The following UHRF2 variants were observed in gnomAD, a reference collection of about 807,000 sequenced individuals.
The protein encoded by UHRF2 is ubiquitin like with PHD and ring finger domains 2.
UHRF2 carries 23 observed loss-of-function variants against 96.8 expected under a neutral mutation model. That is an observed-to-expected ratio of 0.24 (90% CI 0.17 to 0.34). The LOEUF is 0.34. UHRF2 is among the 10% of genes least tolerant of loss of function. UHRF2 has a pLI of 1.00. For missense variants in UHRF2, 685 were observed against 981.5 expected (o/e 0.70, Z 4.04); for synonymous variants, 385 against 332.6 (o/e 1.16, Z -1.72).
At chr9:6,428,769 G>A (rs1000149281) in intron 2 of UHRF2, among the ~76,000 whole-genome samples, 6 of 151,902 alleles carry the variant, frequency 3.9e-5, no homozygotes, top group Non-Finnish European at 7.4e-5. Flanking sequence ...GGCTGGTCTT[G>A]AACTCCTGGG....
chr9:6,436,303 T>G (rs1820846480), intron 3 of UHRF2, among the ~76,000 whole-genome samples: 2 of 152,190 alleles, frequency 1.3e-5, no homozygotes, highest in South Asian at 4.1e-4. Context: ...CAACACTGCT[T>G]ACTTGACATG....
In UHRF2 at chr9:6,438,739, G is replaced by A. The variant is rs565254033; in HGVS notation, c.644+4566G>A. ...AAAGCTGTTTTTTATAGTAATCTAC[G>A]TATCTAATAGATTACTAGACCAGAT... On this transcript the variant is annotated intron_variant, in intron 3 of 15. Transcript: ENST00000276893. 1.1e-3 allele frequency among the ~76,000 whole-genome samples: 168 copies of A among 152,242 alleles called. 1 individual carries two copies. The highest frequency in any genetic ancestry group is 3.8e-3 in the African/African-American group (159 of 41,540).
chr9:6,504,310 C>G, intron 14 of UHRF2: 1 of 190,414 alleles, frequency 5.3e-6, no homozygotes, highest in Non-Finnish European at 1.1e-5. Flanking sequence ...CAGGCGTGAG[C>G]CACCGCGCCC....
intron 4 of UHRF2, among the ~76,000 whole-genome samples, chr9:6,464,683 T>C (rs1822756189): frequency 1.3e-5 from 2 of 152,206 alleles, no homozygotes; most frequent in South Asian, 4.1e-4. Flanking sequence ...CTCCCATTGA[T>C]CTTCAGTATC....
chr9:6,458,826 G>A (rs1005224034), intron 3 of UHRF2, among the ~76,000 whole-genome samples: 1 of 152,122 alleles, frequency 6.6e-6, no homozygotes, highest in Non-Finnish European at 1.5e-5. Context: ...CCAAATGCCC[G>A]TCGATGATAG....
At chr9:6,449,005 G>C (rs1159213989) in intron 3 of UHRF2, among the ~76,000 whole-genome samples, 1 of 152,094 alleles carries the variant, frequency 6.6e-6, no homozygotes, top group African/African-American at 2.4e-5. Flanking sequence ...TCAACTCATA[G>C]CCAATTTTGT....
At chr9:6,458,110 A>G (rs1355879589) in intron 3 of UHRF2, among the ~76,000 whole-genome samples, 1 of 152,228 alleles carries the variant, frequency 6.6e-6, no homozygotes, top group Non-Finnish European at 1.5e-5. Context: ...TACCTCTGGT[A>G]GAATTCAGCT....
intron 4 of UHRF2, among the ~76,000 whole-genome samples, chr9:6,463,284 T>A (rs1822659330): frequency 6.7e-6 from 1 of 149,540 alleles, no homozygotes. Flanking sequence ...TTCGTCTCAA[T>A]AAAAAAAAAA....
At position 6,506,301 on chromosome 9, in the gene UHRF2, T is replaced by C; in HGVS notation, c.*122T>C. 1.6e-6 allele frequency: 2 copies of C among 1,270,530 alleles called. No homozygotes were observed. Among genetic ancestry groups the C allele is most frequent in the Non-Finnish European group, 2.2e-6 (2 of 925,276 alleles). 78.7% of individuals were successfully genotyped at this position (1,270,530 alleles called of 1,614,324 possible). On this transcript the variant is annotated 3_prime_UTR_variant, in exon 16 of 16. Coordinates refer to ENST00000276893, the MANE Select transcript of UHRF2 (RefSeq NM_152896.3). ...TCACGTTCTGAAGCAGCTAATCCTC[T>C]TTCCCACATAGCCATCATCTTGTGT...
chr9:6,483,911 A>G (rs1407658389), intron 8 of UHRF2, among the ~76,000 whole-genome samples: 1 of 151,766 alleles, frequency 6.6e-6, no homozygotes. Flanking sequence ...CTGGTCTCGA[A>G]CTCCCAACCT....
At chr9:6,483,395 C>T (rs1184942168) in intron 8 of UHRF2, among the ~76,000 whole-genome samples, 29 of 151,822 alleles carry the variant, frequency 1.9e-4, no homozygotes, top group Admixed American at 1.9e-3. Flanking sequence ...TGCACATCCT[C>T]CTTTATATGT....
intron 2 of UHRF2, among the ~76,000 whole-genome samples, chr9:6,424,124 G>C (rs544015387): frequency 6.6e-6 from 1 of 151,360 alleles, no homozygotes; most frequent in African/African-American, 2.4e-5. Flanking sequence ...TTAGGCAGGA[G>C]AACAAAATAA....
chr9:6,460,497 T>A, intron 3 of UHRF2, 76 bp from the exon 4 acceptor site: 3 of 1,259,568 alleles, frequency 2.4e-6, no homozygotes, highest in Non-Finnish European at 3.3e-6. Flanking sequence ...CTCAGCAAAT[T>A]AGGTTTTTCT....
intron 14 of UHRF2, among the ~76,000 whole-genome samples, chr9:6,501,379 T>G (rs1032343166): frequency 2.0e-5 from 3 of 152,198 alleles, no homozygotes; most frequent in Non-Finnish European, 4.4e-5. Context: ...ATTGACCCCT[T>G]GTCATTTATA....
intron 6 of UHRF2, among the ~76,000 whole-genome samples, chr9:6,480,289 A>C (rs972806143): frequency 6.6e-6 from 1 of 152,232 alleles, no homozygotes; most frequent in African/African-American, 2.4e-5. Flanking sequence ...ATGTATTTCC[A>C]CTTAACACTT....
chr9:6,495,930 G>A (rs1257381696), intron 10 of UHRF2: 2 of 151,880 alleles, frequency 1.3e-5, no homozygotes, highest in Non-Finnish European at 2.9e-5. Flanking sequence ...AGACGTAATA[G>A]TAGCCCTAGA....
intron 3 of UHRF2, among the ~76,000 whole-genome samples, chr9:6,456,817 A>C (rs1380747510): frequency 1.3e-5 from 2 of 152,132 alleles, no homozygotes. Flanking sequence ...TGTTTTTGTC[A>C]GGATTGTCAA....
intron 4 of UHRF2, among the ~76,000 whole-genome samples, chr9:6,465,089 G>A (rs1689931757): frequency 6.6e-6 from 1 of 151,636 alleles, no homozygotes; most frequent in South Asian, 2.1e-4. Context: ...TCACCAGTTG[G>A]GCCCTGAATT....
chr9:6,479,389 T>C (rs1261109221), intron 6 of UHRF2, among the ~76,000 whole-genome samples: 1 of 152,174 alleles, frequency 6.6e-6, no homozygotes, highest in African/African-American at 2.4e-5. Context: ...ATTTTCTACC[T>C]ACTTCACTGG....
Sources: allele counts gnomAD v4.1 joint callset (sites outside exome capture counted in the v4.1 genomes callset), GRCh38; gene constraint gnomAD v4.1.1; transcripts MANE v1.5; gene names NCBI Gene and HGNC (gene_info 2026-07-23, HGNC 2026-07-21).